Variants in KCNIP4 observed in about 807,000 individuals in gnomAD.
KCNIP4 encodes the protein potassium voltage-gated channel interacting protein 4, also known as Kv channel-interacting protein 4.
KCNIP4 carries 12 observed loss-of-function variants against 34.0 expected under a neutral mutation model. The observed-to-expected ratio is 0.35, with a 90% CI of 0.23 to 0.57. The LOEUF (loss-of-function observed/expected upper bound fraction) is 0.57, where lower values mean the gene tolerates loss of function less well. Ranked by LOEUF, KCNIP4 falls within the 20% of genes least tolerant of loss-of-function variation. KCNIP4 has a pLI of 0.83. For missense variants in KCNIP4, 238 were observed against 311.7 expected (o/e 0.76, Z 1.78); for synonymous variants, 124 against 102.2 (o/e 1.21, Z -1.29).
intron 1 of KCNIP4, among the ~76,000 whole-genome samples, chr4:21,745,870 C>T (rs140123514): frequency 2.7e-3 from 408 of 152,144 alleles, no homozygotes; most frequent in African/African-American, 9.3e-3. Context: ...TAAGAAAAGC[C>T]ATAAGACCCT....
chr4:20,812,234 T>C (rs569534176), intron 3 of KCNIP4, among the ~76,000 whole-genome samples: 24 of 152,262 alleles, frequency 1.6e-4, no homozygotes, highest in African/African-American at 5.8e-4. Context: ...GATTGGAATA[T>C]ATTTCCAGGA....
At chr4:21,627,658 A>G (rs1745434851) in intron 1 of KCNIP4, among the ~76,000 whole-genome samples, 1 of 152,172 alleles carries the variant, frequency 6.6e-6, no homozygotes, top group Non-Finnish European at 1.5e-5. Context: ...TCCATGAAGA[A>G]CTTGCCAAAA....
At chr4:21,865,081 C>A (rs1353010072) in intron 1 of KCNIP4, among the ~76,000 whole-genome samples, 1 of 151,040 alleles carries the variant, frequency 6.6e-6, no homozygotes, top group Non-Finnish European at 1.5e-5. Context: ...TATTGCCTCT[C>A]TTTTTTTTTC....
chr4:21,274,752 G>C (rs1380558124), intron 1 of KCNIP4, among the ~76,000 whole-genome samples: 1 of 152,026 alleles, frequency 6.6e-6, no homozygotes, highest in Non-Finnish European at 1.5e-5. Context: ...ATTTCATCGA[G>C]AGTTTTAAAT....
chr4:20,728,631 T>TTTTA lies in KCNIP4; in HGVS notation c.*1447_*1450dup, dbSNP rs1419930387. On this transcript the variant is annotated 3_prime_UTR_variant, in exon 9 of 9. Coordinates refer to ENST00000382152, the MANE Select transcript of KCNIP4 (RefSeq NM_025221.6). ...TAGAGTTATAAACATTTTATTTTGC[T>TTTTA]TTTATTTTTTCTTTTTGAAATACAA... The TTTTA allele has an allele frequency of 7.2e-5, 11 of 152,690 alleles. No homozygotes were observed. Among genetic ancestry groups the TTTTA allele is most frequent in the South Asian group, 4.1e-4 (2 of 4,828 alleles). 9.5% of individuals were successfully genotyped at this position (152,690 alleles called of 1,614,324 possible).
chr4:21,503,743 T>G (rs781422793), intron 1 of KCNIP4, among the ~76,000 whole-genome samples: 54 of 152,174 alleles, frequency 3.5e-4, no homozygotes, highest in Non-Finnish European at 2.4e-4. Context: ...AGCAGGGACA[T>G]AGTTTAGCAT....
At chr4:21,429,315 G>A (rs1467618127) in intron 1 of KCNIP4, among the ~76,000 whole-genome samples, 1 of 148,048 alleles carries the variant, frequency 6.8e-6, no homozygotes, top group Non-Finnish European at 1.5e-5. Context: ...TTCATGACTT[G>A]ATAACTCATT....
At chr4:21,617,249 T>C (rs373061386) in intron 1 of KCNIP4, among the ~76,000 whole-genome samples, 1 of 152,206 alleles carries the variant, frequency 6.6e-6, no homozygotes, top group Non-Finnish European at 1.5e-5. Context: ...CATAAGAAAG[T>C]AAAATTCATT....
chr4:21,288,665 G>C (rs1314197182), intron 1 of KCNIP4, among the ~76,000 whole-genome samples: 2 of 152,162 alleles, frequency 1.3e-5, no homozygotes, highest in South Asian at 2.1e-4. Context: ...AATTGGGTAA[G>C]TTCTTGGGCC....
chr4:21,562,364 C>T (rs1165169656), intron 1 of KCNIP4, among the ~76,000 whole-genome samples: 3 of 151,918 alleles, frequency 2.0e-5, no homozygotes, highest in Admixed American at 6.6e-5. Flanking sequence ...GGTGGATGTG[C>T]CATTGACCAC....
At chr4:21,501,276 G>A (rs563920790) in intron 1 of KCNIP4, among the ~76,000 whole-genome samples, 24 of 121,386 alleles carry the variant, frequency 2.0e-4, no homozygotes, top group African/African-American at 7.3e-4. Context: ...ACACACACAT[G>A]CCATGTCCTA....
intron 1 of KCNIP4, among the ~76,000 whole-genome samples, chr4:21,917,167 C>T (rs113128638): frequency 0.22 from 33,857 of 152,034 alleles, 4,637 homozygotes; most frequent in South Asian, 0.31. Context: ...CAGAGTCTCG[C>T]ACTGTCGCCC....
At chr4:20,801,196 A>G (rs1714178546) in intron 3 of KCNIP4, among the ~76,000 whole-genome samples, 1 of 152,086 alleles carries the variant, frequency 6.6e-6, no homozygotes, top group African/African-American at 2.4e-5. Context: ...ATCCCTCAGA[A>G]ATAAAAGAGG....
chr4:21,413,433 T>G (rs2109597149), intron 1 of KCNIP4, among the ~76,000 whole-genome samples: 1 of 152,320 alleles, frequency 6.6e-6, no homozygotes, highest in South Asian at 2.1e-4. Context: ...TTTCCATTAC[T>G]TGTAACTGAA....
At chr4:21,193,844 TACAGGCGTGAGCC>T (rs1289933640) in intron 1 of KCNIP4, among the ~76,000 whole-genome samples, 1 of 152,162 alleles carries the variant, frequency 6.6e-6, no homozygotes, top group African/African-American at 2.4e-5. Flanking sequence ...GTGCTGGGAT[TACAGGCGTGAGCC>T]ACAGCGCCTG....
chr4:21,011,126 G>GAAA (rs1184236675), intron 1 of KCNIP4, among the ~76,000 whole-genome samples: 1 of 152,182 alleles, frequency 6.6e-6, no homozygotes, highest in Non-Finnish European at 1.5e-5. Context: ...AGAGGAGGAG[G>GAAA]AAAATACAGT....
chr4:21,089,659 C>T (rs1305885573), intron 1 of KCNIP4, among the ~76,000 whole-genome samples: 1 of 152,190 alleles, frequency 6.6e-6, no homozygotes, highest in African/African-American at 2.4e-5. Flanking sequence ...ACTTCCACAA[C>T]AAATCTTGTT....
At chr4:20,751,907 T>G (rs1054261987) in intron 4 of KCNIP4, among the ~76,000 whole-genome samples, 3 of 152,162 alleles carry the variant, frequency 2.0e-5, no homozygotes, top group Admixed American at 6.5e-5. Context: ...GAGGTTTTGA[T>G]AATAGCATAG....
rs1281543089 is a variant in KCNIP4, at chr4:21,556,920, C to CAAAAAAAAAAAAAAAAAA, written c.61+391650_61+391651insTTTTTTTTTTTTTTTTTT. Among the ~76,000 whole-genome samples the CAAAAAAAAAAAAAAAAAA allele has an allele frequency of 5.3e-4, 19 of 35,632 alleles. 2 individuals are homozygous for CAAAAAAAAAAAAAAAAAA. The East Asian group carries it at 6.3e-3, about 12-fold the overall frequency. The allele number at this position is 35,632 out of a possible 152,430, so 23.4% of individuals were successfully genotyped here. On this transcript the variant is annotated intron_variant, in intron 1 of 8. Coordinates refer to ENST00000382152, the MANE Select transcript of KCNIP4 (RefSeq NM_025221.6). ...TGATCAACAAAGCAAGACTCCATCT[C>CAAAAAAAAAAAAAAAAAA]AGAAAAAAAAAAAAAAAAAAAAACC... is the stretch of plus-strand genomic sequence containing the variant.
Sources: gnomAD v4.1 joint callset for allele counts (sites outside exome capture counted in the v4.1 genomes callset) on GRCh38, gnomAD v4.1.1 for gene constraint, MANE v1.5 for transcripts, NCBI Gene and HGNC (gene_info 2026-07-23, HGNC 2026-07-21) for gene names.